The following ANO6 variants were observed in gnomAD, a reference collection of about 807,000 sequenced individuals.
The protein encoded by ANO6 is anoctamin 6.
Under a neutral mutation model 117.5 loss-of-function variants are expected in ANO6, and 106 were observed. That is an observed-to-expected ratio of 0.90 (90% CI 0.77 to 1.06). The LOEUF (loss-of-function observed/expected upper bound fraction) is 1.06. ANO6 is among the 50% of genes least tolerant of loss of function. The probability of loss-of-function intolerance (pLI) is 0.00; values close to 1 mark genes in which losing one functional copy is unlikely to be tolerated. For missense variants in ANO6, 955 were observed against 1,121.1 expected, an observed-to-expected ratio of 0.85 and a Z score of 2.12; for synonymous variants, 367 against 385.1, an observed-to-expected ratio of 0.95 and a Z score of 0.55.
intron 1 of ANO6, among the ~76,000 whole-genome samples, chr12:45,248,922 CA>C (rs1947863606): frequency 6.6e-6 from 1 of 152,084 alleles, no homozygotes; most frequent in Non-Finnish European, 1.5e-5. Flanking sequence ...GTAAGACTGC[CA>C]TTTATTGTAC....
chr12:45,219,186 C>T (rs996054582), intron 1 of ANO6, among the ~76,000 whole-genome samples: 2 of 151,958 alleles, frequency 1.3e-5, no homozygotes, highest in African/African-American at 2.4e-5. Context: ...CCCCCTCCCC[C>T]CAAAAAAAAA....
At chr12:45,253,701 C>G (rs1185144099) in intron 1 of ANO6, among the ~76,000 whole-genome samples, 1 of 152,172 alleles carries the variant, frequency 6.6e-6, no homozygotes, top group Non-Finnish European at 1.5e-5. Flanking sequence ...TATCATAGTT[C>G]ACTATCTGTA....
intron 1 of ANO6, among the ~76,000 whole-genome samples, chr12:45,299,831 A>G (rs1220585604): frequency 6.6e-6 from 1 of 152,116 alleles, no homozygotes; most frequent in African/African-American, 2.4e-5. Context: ...CAGCCTGGGC[A>G]GTCAAGGAAG....
chr12:45,271,247 G>T (rs1232208062), intron 1 of ANO6, among the ~76,000 whole-genome samples: 1 of 152,138 alleles, frequency 6.6e-6, no homozygotes, highest in Non-Finnish European at 1.5e-5. Context: ...AATGTATATG[G>T]CATAACAAAA....
At chr12:45,377,539 C>T (rs555365536) in intron 9 of ANO6, among the ~76,000 whole-genome samples, 34 of 152,258 alleles carry the variant, frequency 2.2e-4, no homozygotes, top group African/African-American at 7.9e-4. Context: ...CAGAGTTCTC[C>T]TGGAGGAGAG....
At position 45,245,066 on chromosome 12, in the gene ANO6, C is replaced by T. The variant is rs181646221; in HGVS notation, c.70+28675C>T. 4.6e-5 allele frequency among the ~76,000 whole-genome samples: 7 copies of T among 152,232 alleles called. No individual in the cohort carries two copies. In the East Asian group the frequency reaches 5.8e-4, roughly 13 times the overall value. ...TTTCTCAGCTAAGAACTGCCCTCTC[C>T]GGCCCCCAGGAAGAAAACGTTCTGA... is the stretch of plus-strand genomic sequence containing the variant. On this transcript the variant is annotated intron_variant, in intron 1 of 19. Coordinates refer to ENST00000320560, the MANE Select transcript of ANO6 (RefSeq NM_001025356.3).
chr12:45,227,787 G>A (rs1368496444), intron 1 of ANO6, among the ~76,000 whole-genome samples: 1 of 152,158 alleles, frequency 6.6e-6, no homozygotes, highest in East Asian at 1.9e-4. Flanking sequence ...TGCTCAACAA[G>A]TGTAAGTGTC....
intron 1 of ANO6, among the ~76,000 whole-genome samples, chr12:45,227,220 C>T (rs1947497676): frequency 1.3e-5 from 2 of 152,068 alleles, no homozygotes; most frequent in South Asian, 4.1e-4. Flanking sequence ...GAGCTCCTGA[C>T]CTCAAGTGAT....
At chr12:45,375,569 A>C (rs1437754203) in intron 9 of ANO6, among the ~76,000 whole-genome samples, 176 of 145,600 alleles carry the variant, frequency 1.2e-3, no homozygotes, top group South Asian at 2.6e-3. Flanking sequence ...CAACCATCTG[A>C]TCTTTGACAA....
chr12:45,381,127 C>T (rs1213055668), intron 10 of ANO6, among the ~76,000 whole-genome samples: 1 of 152,184 alleles, frequency 6.6e-6, no homozygotes, highest in African/African-American at 2.4e-5. Context: ...TGTGTCTCAT[C>T]CTTAGACAAT....
At chr12:45,381,051 G>A (rs1405973561) in intron 10 of ANO6, among the ~76,000 whole-genome samples, 2 of 152,148 alleles carry the variant, frequency 1.3e-5, no homozygotes, top group East Asian at 1.9e-4. Flanking sequence ...GTTTCAAGGC[G>A]TTAAAACATC....
rs1214196237 is a variant in ANO6 at position 45,429,999 on chromosome 12, A to G, written c.*688A>G. The G allele has an allele frequency of 1.0e-6, 1 of 986,300 alleles. No homozygotes were observed. The highest frequency in any genetic ancestry group is 1.2e-6 in the Non-Finnish European group (1 of 830,588). The allele number at this position is 986,300 out of a possible 1,614,324, so 61.1% of individuals were successfully genotyped here. On this transcript the variant is annotated 3_prime_UTR_variant, in exon 20 of 20. Coordinates refer to ENST00000320560, the MANE Select transcript of ANO6 (RefSeq NM_001025356.3). ...TCCACAGTGACACTTTTTATCTTCCAGGAGCACTCCTAGGAGGTTCCGTGC... is the reference window on the plus strand; with the variant it reads ...TCCACAGTGACACTTTTTATCTTCCGGGAGCACTCCTAGGAGGTTCCGTGC...
chr12:45,383,210 C>T, intron 10 of ANO6: 1 of 199,512 alleles, frequency 5.0e-6, no homozygotes, highest in Non-Finnish European at 1.0e-5. Flanking sequence ...TAGAAAGCAA[C>T]TTCTCATTCC....
intron 1 of ANO6, among the ~76,000 whole-genome samples, chr12:45,257,856 T>C (rs907294980): frequency 8.5e-5 from 13 of 152,202 alleles, no homozygotes; most frequent in African/African-American, 3.1e-4. Flanking sequence ...GCGAAGATTA[T>C]AAAAAGATTG....
intron 1 of ANO6, among the ~76,000 whole-genome samples, chr12:45,241,487 G>A (rs1327098519): frequency 3.3e-5 from 5 of 152,118 alleles, no homozygotes; most frequent in Admixed American, 1.3e-4. Flanking sequence ...TCCTTGGATG[G>A]ATTAGAACAT....
At chr12:45,396,676 C>T (rs898873728) in intron 12 of ANO6, among the ~76,000 whole-genome samples, 10 of 152,136 alleles carry the variant, frequency 6.6e-5, no homozygotes, top group Admixed American at 3.3e-4. Flanking sequence ...TCAGAAATAA[C>T]ACCACACATC....
At chr12:45,371,843 G>A (rs1348948260) in intron 9 of ANO6, among the ~76,000 whole-genome samples, 12 of 152,270 alleles carry the variant, frequency 7.9e-5, no homozygotes, top group Admixed American at 2.6e-4. Context: ...CACCAGCAAC[G>A]GAACAAAGCT....
chr12:45,379,374 A>G (rs368587107), intron 10 of ANO6, among the ~76,000 whole-genome samples: 36 of 152,222 alleles, frequency 2.4e-4, no homozygotes, highest in African/African-American at 7.7e-4. Context: ...AAGGTGGCCA[A>G]ACATCCCAGT....
intron 6 of ANO6, among the ~76,000 whole-genome samples, chr12:45,349,449 C>A (rs1941227454): frequency 1.3e-5 from 2 of 152,104 alleles, no homozygotes; most frequent in Non-Finnish European, 2.9e-5. Context: ...AAAATGTGAC[C>A]ACTGTAAATG....
Sources: gnomAD v4.1 joint callset for allele counts (sites outside exome capture counted in the v4.1 genomes callset) on GRCh38, gnomAD v4.1.1 for gene constraint, MANE v1.5 for transcripts, NCBI Gene and HGNC (gene_info 2026-07-23, HGNC 2026-07-21) for gene names.